The following MSRA variants were observed in gnomAD, a reference collection of about 807,000 sequenced individuals.
MSRA encodes the protein methionine sulfoxide reductase A, also known as mitochondrial peptide methionine sulfoxide reductase.
MSRA carries 54 observed loss-of-function variants against 31.3 expected under a neutral mutation model. The ratio of observed to expected loss-of-function variants is 1.73; its 90% confidence interval spans 1.39 to 2.17. The LOEUF (loss-of-function observed/expected upper bound fraction) is 2.17. Ranked by LOEUF, MSRA falls within the 30% of genes most tolerant of loss-of-function variation. The pLI, the probability that MSRA is intolerant of heterozygous loss-of-function variation, is 0.00. For missense variants in MSRA, 507 were observed against 300.9 expected (o/e 1.69, Z -5.07); for synonymous variants, 169 against 116.5 (o/e 1.45, Z -2.90).
chr8:10,123,357 C>G (rs1224056018), intron 1 of MSRA, among the ~76,000 whole-genome samples: 4 of 152,114 alleles, frequency 2.6e-5, no homozygotes, highest in African/African-American at 9.7e-5. Flanking sequence ...TGCCCTTTGT[C>G]CACTCTAATG....
At chr8:10,062,591 A>G (rs1797261215) in intron 1 of MSRA, among the ~76,000 whole-genome samples, 1 of 152,194 alleles carries the variant, frequency 6.6e-6, no homozygotes, top group Admixed American at 6.5e-5. Context: ...TATCATGCCA[A>G]CAGACACACG....
At chr8:10,113,637 A>C (rs1055383347) in intron 1 of MSRA, among the ~76,000 whole-genome samples, 2 of 152,100 alleles carry the variant, frequency 1.3e-5, no homozygotes, top group African/African-American at 4.8e-5. Flanking sequence ...GAGACAGAGC[A>C]GACTGAGAAA....
chr8:10,150,453 C>G (rs189315134), intron 1 of MSRA, among the ~76,000 whole-genome samples: 63 of 152,134 alleles, frequency 4.1e-4, no homozygotes, highest in African/African-American at 1.4e-3. Context: ...AAACATCATC[C>G]CCGAACAAAT....
rs567226989 is a variant in MSRA at position 10,167,077 on chromosome 8, A to G, written c.143-40756A>G. ...GCGCTGGGCTAATGATGCCCTTTTCATTCTCCCCTCTTCTTCTTCCCTCCT... is the reference window on the plus strand; with the variant it reads ...GCGCTGGGCTAATGATGCCCTTTTCGTTCTCCCCTCTTCTTCTTCCCTCCT... On this transcript the variant is annotated intron_variant, in intron 1 of 5. Coordinates refer to ENST00000317173, the MANE Select transcript of MSRA (RefSeq NM_012331.5). 1.6e-3 allele frequency among the ~76,000 whole-genome samples: 250 copies of G among 151,990 alleles called. 2 individuals are homozygous for G. Among genetic ancestry groups the G allele is most frequent in the African/African-American group, 5.8e-3 (241 of 41,438 alleles).
At chr8:10,209,145 G>T (rs1007485513) in intron 2 of MSRA, among the ~76,000 whole-genome samples, 15 of 152,336 alleles carry the variant, frequency 9.8e-5, no homozygotes, top group Admixed American at 5.9e-4. Flanking sequence ...TGATTTTGTA[G>T]AAGGCATAAT....
At chr8:10,324,746 G>T (rs988664168) in intron 5 of MSRA, among the ~76,000 whole-genome samples, 6 of 152,232 alleles carry the variant, frequency 3.9e-5, no homozygotes, top group Admixed American at 3.9e-4. Flanking sequence ...AAGGGGCAGA[G>T]AGACTGGGGA....
At chr8:10,417,619 C>G (rs1021156694) in intron 5 of MSRA, among the ~76,000 whole-genome samples, 1 of 152,046 alleles carries the variant, frequency 6.6e-6, no homozygotes, top group Non-Finnish European at 1.5e-5. Context: ...TTACTAGTGG[C>G]TTTATTTAAA....
intron 1 of MSRA, among the ~76,000 whole-genome samples, chr8:10,081,742 G>C (rs926262726): frequency 2.6e-5 from 4 of 152,032 alleles, no homozygotes; most frequent in African/African-American, 9.7e-5. Context: ...TGCCTGCCTC[G>C]GCCTCCCAAA....
intron 5 of MSRA, among the ~76,000 whole-genome samples, chr8:10,347,481 AG>A (rs1418599626): frequency 2.0e-5 from 3 of 152,278 alleles, no homozygotes; most frequent in African/African-American, 4.8e-5. Context: ...TGCAGCTATC[AG>A]TGGGTCCCCA....
At chr8:10,199,537 G>A (rs1396901746) in intron 1 of MSRA, among the ~76,000 whole-genome samples, 15 of 151,776 alleles carry the variant, frequency 9.9e-5, no homozygotes, top group Non-Finnish European at 1.9e-4. Context: ...CCAGGATGGC[G>A]TCGCTCTCTT....
intron 1 of MSRA, among the ~76,000 whole-genome samples, chr8:10,070,939 C>T (rs924617748): frequency 6.6e-6 from 1 of 152,194 alleles, no homozygotes; most frequent in African/African-American, 2.4e-5. Context: ...TTGGCTGTTA[C>T]GAGTGAAGCT....
In MSRA at chr8:10,055,958, G is replaced by C. The variant is rs950168207; in HGVS notation, c.142+1300G>C. 2.6e-5 allele frequency among the ~76,000 whole-genome samples: 4 copies of C among 152,172 alleles called. No homozygotes were observed. In the East Asian group the frequency reaches 7.7e-4, roughly 29 times the overall value. ...AAAGTTTATTTTTGATTCAAATGCA[G>C]AGATTGAGTTTTGAAACAAATCTAG... On this transcript the variant is annotated intron_variant, in intron 1 of 5. Coordinates refer to ENST00000317173, the MANE Select transcript of MSRA (RefSeq NM_012331.5).
chr8:10,122,466 G>A (rs1249322383), intron 1 of MSRA, among the ~76,000 whole-genome samples: 1 of 151,978 alleles, frequency 6.6e-6, no homozygotes, highest in Non-Finnish European at 1.5e-5. Context: ...GTGCTCTGTG[G>A]TCTGATTAGG....
At chr8:10,145,982 G>C (rs1218965512) in intron 1 of MSRA, among the ~76,000 whole-genome samples, 4 of 152,190 alleles carry the variant, frequency 2.6e-5, no homozygotes, top group African/African-American at 7.2e-5. Flanking sequence ...TGTAACAGTG[G>C]AGAAAATTTG....
chr8:10,193,969 C>G (rs1007941826), intron 1 of MSRA, among the ~76,000 whole-genome samples: 10 of 152,078 alleles, frequency 6.6e-5, no homozygotes, highest in African/African-American at 2.4e-4. Context: ...ATTCCAACAG[C>G]TTTTAGAATT....
At chr8:10,175,983 A>C (rs192984089) in intron 1 of MSRA, among the ~76,000 whole-genome samples, 1 of 152,232 alleles carries the variant, frequency 6.6e-6, no homozygotes, top group East Asian at 1.9e-4. Context: ...TTTAGTTCTC[A>C]TGTATAGCTT....
chr8:10,221,315 A>T (rs187397827), intron 2 of MSRA, among the ~76,000 whole-genome samples: 2 of 152,076 alleles, frequency 1.3e-5, no homozygotes, highest in Non-Finnish European at 2.9e-5. Flanking sequence ...TTTTTCTCCC[A>T]TGTAAGACAT....
chr8:10,235,177 A>G (rs1316890477), intron 2 of MSRA, among the ~76,000 whole-genome samples: 1 of 152,190 alleles, frequency 6.6e-6, no homozygotes, highest in Non-Finnish European at 1.5e-5. Flanking sequence ...TGTAGGTGAC[A>G]AAATAAGTCT....
intron 3 of MSRA, among the ~76,000 whole-genome samples, chr8:10,283,240 G>A (rs983047667): frequency 3.3e-5 from 5 of 151,238 alleles, no homozygotes; most frequent in African/African-American, 4.9e-5. Context: ...GCATTCAGAC[G>A]TTCTCTTAGA....
Sources: gnomAD v4.1 joint callset for allele counts (sites outside exome capture counted in the v4.1 genomes callset) on GRCh38, gnomAD v4.1.1 for gene constraint, MANE v1.5 for transcripts, NCBI Gene and HGNC (gene_info 2026-07-23, HGNC 2026-07-21) for gene names.